The following FCRL2 variants were observed in gnomAD, a reference collection of about 807,000 sequenced individuals.
The protein encoded by FCRL2 is Fc receptor like 2.
In FCRL2, 48 loss-of-function variants were observed where a neutral mutation model predicts 59.8. The ratio of observed to expected loss-of-function variants is 0.80; its 90% CI spans 0.64 to 1.02. The LOEUF (loss-of-function observed/expected upper bound fraction) is 1.02, where lower values mean the gene tolerates loss of function less well. Among genes scored for constraint, FCRL2 ranks in the 50% least tolerant of loss-of-function variants. The pLI is 0.00. For missense variants in FCRL2, 658 were observed against 597.3 expected, an observed-to-expected ratio of 1.10 and a Z score of -1.06; for synonymous variants, 251 against 229.5, an observed-to-expected ratio of 1.09 and a Z score of -0.85.
chr1:157,774,062 T>C (rs1260610204), intron 2 of FCRL2, among the ~76,000 whole-genome samples: 1 of 152,150 alleles, frequency 6.6e-6, no homozygotes, highest in Non-Finnish European at 1.5e-5. Context: ...TCACAAGAAT[T>C]TCAGTGAAAA....
chr1:157,769,207 T>C (rs1649780111), intron 4 of FCRL2: 1 of 155,844 alleles, frequency 6.4e-6, no homozygotes, highest in Non-Finnish European at 1.4e-5. Context: ...TGCAATCTCA[T>C]CATGTGGAGA....
chr1:157,758,601 T>C (rs964990051), intron 7 of FCRL2, among the ~76,000 whole-genome samples: 1 of 150,342 alleles, frequency 6.7e-6, no homozygotes, highest in African/African-American at 2.5e-5. Flanking sequence ...ACCAATGACA[T>C]TGTTTGCAAA....
rs1571293136 is a variant in FCRL2 at position 157,770,403 on chromosome 1, T to G, written c.310+6A>C. The G allele has an allele frequency of 6.2e-7, 1 of 1,611,986 alleles. No individual in the cohort carries two copies. Among genetic ancestry groups the G allele is most frequent in the Non-Finnish European group, 8.5e-7 (1 of 1,179,016 alleles). Reference sequence around the variant, plus strand: ...CCAGCCCATCCCACAGAAGTCAGGGTTTTACCTTGGACTTTTATCTTTACT... The same window carrying G: ...CCAGCCCATCCCACAGAAGTCAGGGGTTTACCTTGGACTTTTATCTTTACT... On this transcript the variant is annotated splice_donor_region_variant and intron_variant, in intron 3 of 11. Coordinates refer to ENST00000361516, the MANE Select transcript of FCRL2 (RefSeq NM_030764.4).
chr1:157,759,685 A>T (rs1177502337), intron 7 of FCRL2, among the ~76,000 whole-genome samples: 1 of 152,234 alleles, frequency 6.6e-6, no homozygotes, highest in African/African-American at 2.4e-5. Context: ...GCCAAAAATC[A>T]TATGAAAAAG....
chr1:157,761,831 G>C (rs1041081816), intron 7 of FCRL2, among the ~76,000 whole-genome samples: 4 of 152,100 alleles, frequency 2.6e-5, no homozygotes, highest in African/African-American at 7.2e-5. Flanking sequence ...AATGCCAAAA[G>C]ACACGGCAGC....
At chr1:157,776,380 C>T (rs1487133550) in intron 1 of FCRL2, among the ~76,000 whole-genome samples, 3 of 152,154 alleles carry the variant, frequency 2.0e-5, no homozygotes, top group African/African-American at 7.2e-5. Flanking sequence ...AGCAATTCTC[C>T]TGCCTCAGCT....
Position 157,746,142 on chromosome 1 carries a change from C to G in FCRL2, c.*594G>C, listed in dbSNP as rs1030293798. ...AGCCCTAGACCAGATGGATTCATAGCTGAATTCTACAAGATGCAGAAAGAA... is the reference window on the plus strand; with the variant it reads ...AGCCCTAGACCAGATGGATTCATAGGTGAATTCTACAAGATGCAGAAAGAA... On this transcript the variant is annotated 3_prime_UTR_variant, in exon 12 of 12. Transcript: ENST00000361516. 2.6e-5 allele frequency: 4 copies of G among 152,510 alleles called. No individual in the cohort carries two copies. The highest frequency in any genetic ancestry group is 9.7e-5 in the African/African-American group (4 of 41,448). 9.4% of individuals were successfully genotyped at this position (152,510 alleles called of 1,614,324 possible). A position where few individuals can be genotyped will look rare whatever the true frequency, so the allele number is the denominator to read the frequency against.
At chr1:157,760,279 G>A (rs1018734056) in intron 7 of FCRL2, among the ~76,000 whole-genome samples, 3 of 152,000 alleles carry the variant, frequency 2.0e-5, no homozygotes, top group Non-Finnish European at 4.4e-5. Flanking sequence ...ACAGATGCTG[G>A]GACCTATTTG....
Position 157,748,601 on chromosome 1 carries a change from C to G in FCRL2, c.1411G>C (p.Asp471His). The G allele has an allele frequency of 6.2e-7, 1 of 1,613,976 alleles. No individual in the cohort carries two copies. Among genetic ancestry groups the G allele is most frequent in the Non-Finnish European group, 8.5e-7 (1 of 1,179,852 alleles). ...CTCCAGACCTGAGAATAAACCACATCCACATCTACAGAGCCCACTGCAGGG... is the reference window on the plus strand; with the variant it reads ...CTCCAGACCTGAGAATAAACCACATGCACATCTACAGAGCCCACTGCAGGG... Reference protein sequence around the residue: ...VYVNVGSVDVDVVYSQVWSMQ... With the variant: ...VYVNVGSVDVHVVYSQVWSMQ... Residue 471 changes from aspartate (D) to histidine (H), a missense_variant, in exon 10 of 12, where the codon GAT becomes CAT. By Grantham distance (81) the Asp-to-His change is moderately conservative. Coordinates refer to ENST00000361516, the MANE Select transcript of FCRL2 (RefSeq NM_030764.4).
chr1:157,750,789 T>A (rs2101671197), intron 7 of FCRL2, among the ~76,000 whole-genome samples: 1 of 152,332 alleles, frequency 6.6e-6, no homozygotes, highest in Middle Eastern at 3.4e-3. Flanking sequence ...ATTAAATTAG[T>A]GTATATGTTT....
intron 7 of FCRL2, among the ~76,000 whole-genome samples, chr1:157,757,560 A>G (rs1430161380): frequency 1.3e-5 from 2 of 152,250 alleles, no homozygotes; most frequent in African/African-American, 2.4e-5. Flanking sequence ...TCGTGTGAGC[A>G]CATAGCAAGA....
intron 10 of FCRL2, among the ~76,000 whole-genome samples, chr1:157,747,843 T>C (rs938914339): frequency 4.6e-5 from 7 of 152,194 alleles, no homozygotes; most frequent in African/African-American, 1.7e-4. Flanking sequence ...TCCCATCCCA[T>C]ATGAAGACTA....
At chr1:157,776,720 C>A (rs1339181795) in intron 1 of FCRL2, among the ~76,000 whole-genome samples, 2 of 152,106 alleles carry the variant, frequency 1.3e-5, no homozygotes. Context: ...AAGGGCATTG[C>A]TAAATGCTAA....
At chr1:157,769,711 G>A in intron 4 of FCRL2, 155 bp downstream of exon 4, 1 of 792,150 alleles carries the variant, frequency 1.3e-6, no homozygotes. Flanking sequence ...ACAGGCGTGA[G>A]CCACCGCGCC....
chr1:157,762,216 C>T (rs530957776), intron 7 of FCRL2, among the ~76,000 whole-genome samples: 4 of 152,196 alleles, frequency 2.6e-5, no homozygotes, highest in Admixed American at 6.5e-5. Flanking sequence ...GATACCTACC[C>T]GCATGCACCA....
intron 7 of FCRL2, chr1:157,766,476 A>T (rs1220399819): frequency 5.1e-6 from 1 of 196,226 alleles, no homozygotes; most frequent in Non-Finnish European, 1.0e-5. Flanking sequence ...GTCTCAAAAA[A>T]AAAAAAATTT....
chr1:157,763,978 C>T lies in FCRL2; in HGVS notation c.1279+2877G>A, dbSNP rs567012820. Among the ~76,000 whole-genome samples, 45 of 146,264 alleles carry T rather than the reference C, an allele frequency of 3.1e-4. No individual in the cohort carries two copies. In the South Asian group the frequency reaches 4.9e-3, roughly 16 times the overall value. ...TCGGGAGGCTGAACTCGCAGTGAGC[C>T]GATATCGTGCCACTGCACTCCAGCC... On this transcript the variant is annotated intron_variant, in intron 7 of 11. Transcript: ENST00000361516.
intron 7 of FCRL2, among the ~76,000 whole-genome samples, chr1:157,765,633 A>G (rs1004521588): frequency 2.6e-5 from 4 of 152,228 alleles, no homozygotes; most frequent in African/African-American, 7.2e-5. Context: ...GAGGACAGCC[A>G]AGAAGCTTGT....
At chr1:157,771,308 C>T (rs760512345) in intron 2 of FCRL2, among the ~76,000 whole-genome samples, 2 of 152,134 alleles carry the variant, frequency 1.3e-5, no homozygotes, top group Non-Finnish European at 2.9e-5. Flanking sequence ...TTGTCCTTAG[C>T]GGGCACTTTA....
Sources: allele counts gnomAD v4.1 joint callset (sites outside exome capture counted in the v4.1 genomes callset), GRCh38; gene constraint gnomAD v4.1.1; transcripts MANE v1.5; gene names NCBI Gene and HGNC (gene_info 2026-07-23, HGNC 2026-07-21).